Variants in TRPM6 observed in about 807,000 individuals in gnomAD.
The protein encoded by TRPM6 is transient receptor potential cation channel subfamily M member 6.
TRPM6 carries 111 observed loss-of-function variants against 247.6 expected under a neutral mutation model. That is an observed-to-expected ratio of 0.45 (90% CI 0.38 to 0.52). The LOEUF is 0.52. Ranked by LOEUF, TRPM6 falls within the 20% of genes least tolerant of loss-of-function variation. The probability of loss-of-function intolerance (pLI) is 0.00; values close to 1 mark genes in which losing one functional copy is unlikely to be tolerated. For synonymous variants in TRPM6, 892 were observed against 853.8 expected (o/e 1.04, Z -0.78); for missense variants, 2,126 against 2,421.5 (o/e 0.88, Z 2.56).
Position 74,753,356 on chromosome 9 carries a change from A to G in TRPM6, c.4907-988T>C, listed in dbSNP as rs529151673. On this transcript the variant is annotated intron_variant, in intron 28 of 38. Coordinates refer to ENST00000360774, the MANE Select transcript of TRPM6 (RefSeq NM_017662.5). ...GATAACGGTTGCATTTTTCCTAATG[A>G]TTTTGTGCTGGAAAAAAAAAAGTAT... is the stretch of plus-strand genomic sequence containing the variant. 3.9e-5 allele frequency among the ~76,000 whole-genome samples: 6 copies of G among 152,054 alleles called. No individual in the cohort carries two copies. In the South Asian group the frequency reaches 1.0e-3, roughly 26 times the overall value.
intron 7 of TRPM6, among the ~76,000 whole-genome samples, chr9:74,822,813 TATGC>T (rs1829178041): frequency 1.3e-5 from 2 of 152,100 alleles, no homozygotes; most frequent in African/African-American, 2.4e-5. Context: ...TACAGAATAA[TATGC>T]ACAGTATTAT....
At chr9:74,790,006 A>ATGTG (rs71912381) in intron 19 of TRPM6, among the ~76,000 whole-genome samples, 3,993 of 132,670 alleles carry the variant, frequency 0.03, 108 homozygotes, top group African/African-American at 0.071. Context: ...TGAGAGAAAA[A>ATGTG]TGTGTGTGTG....
chr9:74,859,166 G>A (rs576988849), intron 1 of TRPM6, among the ~76,000 whole-genome samples: 40 of 152,298 alleles, frequency 2.6e-4, no homozygotes, highest in African/African-American at 8.4e-4. Context: ...GATTTCACAG[G>A]AAGCTGGAAA....
At chr9:74,757,282 T>C (rs964288189) in intron 27 of TRPM6, among the ~76,000 whole-genome samples, 12 of 151,156 alleles carry the variant, frequency 7.9e-5, no homozygotes, top group African/African-American at 2.7e-4. Context: ...CAAGCATGAA[T>C]GAAACAGAAA....
At chr9:74,773,808 A>G (rs111718916) in intron 24 of TRPM6, among the ~76,000 whole-genome samples, 2 of 152,252 alleles carry the variant, frequency 1.3e-5, no homozygotes, top group Non-Finnish European at 2.9e-5. Context: ...AGTATTATTC[A>G]GCTGTAAAAT....
intron 38 of TRPM6, among the ~76,000 whole-genome samples, chr9:74,725,519 C>CAA (rs1825287517): frequency 1.3e-5 from 2 of 152,192 alleles, no homozygotes; most frequent in Non-Finnish European, 2.9e-5. Flanking sequence ...GTAACTCCCA[C>CAA]AATTCCCACG....
chr9:74,838,255 T>G (rs780039195), intron 5 of TRPM6, among the ~76,000 whole-genome samples: 5 of 152,218 alleles, frequency 3.3e-5, no homozygotes, highest in Non-Finnish European at 7.3e-5. Flanking sequence ...CAAGCCTGTC[T>G]TTTCAATGAA....
At chr9:74,737,468 G>A (rs1334586419) in intron 36 of TRPM6, 3 of 1,287,520 alleles carry the variant, frequency 2.3e-6, no homozygotes, top group Non-Finnish European at 3.0e-6. Context: ...AGTCAGACAG[G>A]ACAAGAAAAA....
At chr9:74,808,519 T>C (rs982754644) in intron 13 of TRPM6, among the ~76,000 whole-genome samples, 62 of 152,156 alleles carry the variant, frequency 4.1e-4, no homozygotes, top group Admixed American at 2.0e-4. Flanking sequence ...TTATTCCATA[T>C]TGAGTTCCTA....
chr9:74,872,956 G>T (rs908413749), intron 1 of TRPM6, among the ~76,000 whole-genome samples: 1 of 152,046 alleles, frequency 6.6e-6, no homozygotes, highest in African/African-American at 2.4e-5. Context: ...AAGTGAACAA[G>T]TCATTATCAC....
intron 23 of TRPM6, 119 bp downstream of exon 23, chr9:74,782,243 A>G: frequency 1.4e-6 from 1 of 715,990 alleles, no homozygotes; most frequent in South Asian, 1.8e-5. Flanking sequence ...CAAAACAATA[A>G]TAATAAATAT....
intron 19 of TRPM6, among the ~76,000 whole-genome samples, chr9:74,790,687 G>A (rs918608913): frequency 1.3e-5 from 2 of 152,118 alleles, no homozygotes; most frequent in Admixed American, 1.3e-4. Context: ...AAATCGAATT[G>A]AATGACCTGA....
At chr9:74,842,123 A>G in intron 4 of TRPM6, 43 bp downstream of exon 4, 4 of 1,611,994 alleles carry the variant, frequency 2.5e-6, no homozygotes, top group Non-Finnish European at 3.4e-6. Context: ...AAAAAAAAAA[A>G]AAAAGAAAGA....
chr9:74,865,330 T>C (rs111616605), intron 1 of TRPM6, among the ~76,000 whole-genome samples: 2 of 152,216 alleles, frequency 1.3e-5, no homozygotes, highest in Admixed American at 6.5e-5. Context: ...GCGAAAGACA[T>C]CCTTTTCCTC....
intron 3 of TRPM6, among the ~76,000 whole-genome samples, 190 bp from the exon 4 acceptor site, chr9:74,842,533 G>A (rs1026241562): frequency 2.0e-5 from 3 of 152,100 alleles, no homozygotes; most frequent in African/African-American, 4.8e-5. Flanking sequence ...CTCTCTCTTG[G>A]CTGCACATTA....
At chr9:74,755,580 T>C in intron 27 of TRPM6, 107 bp from the exon 28 acceptor site, 1 of 1,373,908 alleles carries the variant, frequency 7.3e-7, no homozygotes, top group Non-Finnish European at 1.0e-6. Context: ...TAACACTGGC[T>C]GCATATGACA....
At chr9:74,830,204 A>G (rs1402489624) in intron 6 of TRPM6, among the ~76,000 whole-genome samples, 2 of 152,162 alleles carry the variant, frequency 1.3e-5, no homozygotes, top group African/African-American at 4.8e-5. Context: ...TACAAAAACC[A>G]GATGAAGAGA....
chr9:74,842,632 T>C (rs987981341), intron 3 of TRPM6, among the ~76,000 whole-genome samples: 4 of 152,212 alleles, frequency 2.6e-5, no homozygotes, highest in African/African-American at 9.6e-5. Flanking sequence ...ATAAAGTGAA[T>C]ATGGCAATAA....
At chr9:74,743,931 A>G (rs1825945863) in intron 32 of TRPM6, among the ~76,000 whole-genome samples, 164 bp downstream of exon 32, 1 of 152,388 alleles carries the variant, frequency 6.6e-6, no homozygotes, top group South Asian at 2.1e-4. Flanking sequence ...TCCCAAGTCA[A>G]TGGCAAAGTT....
Sources: gnomAD v4.1 joint callset for allele counts (sites outside exome capture counted in the v4.1 genomes callset) on GRCh38, gnomAD v4.1.1 for gene constraint, MANE v1.5 for transcripts, NCBI Gene and HGNC (gene_info 2026-07-23, HGNC 2026-07-21) for gene names.